Variants in TSFM observed in about 807,000 individuals in gnomAD.
The protein encoded by TSFM is Ts translation elongation factor, mitochondrial, also known as elongation factor Ts, mitochondrial.
In TSFM, 29 loss-of-function variants were observed where a neutral mutation model predicts 33.4. The ratio of observed to expected loss-of-function variants is 0.87; its 90% CI spans 0.65 to 1.18. TSFM has a LOEUF of 1.18. TSFM is among the 50% of genes most tolerant of loss of function. The probability of loss-of-function intolerance (pLI) is 0.00; values close to 1 mark genes in which losing one functional copy is unlikely to be tolerated. For synonymous variants in TSFM, 178 were observed against 163.5 expected (o/e 1.09, Z -0.68); for missense variants, 394 against 395.6 (o/e 1.00, Z 0.04).
intron 3 of TSFM, among the ~76,000 whole-genome samples, 171 bp downstream of exon 3, chr12:57,786,462 A>G (rs898335586): frequency 3.3e-5 from 5 of 152,252 alleles, no homozygotes; most frequent in African/African-American, 1.2e-4. Context: ...TCGTTTAAGT[A>G]TAGAAATGTA....
At chr12:57,784,167 A>G in intron 2 of TSFM, 1 of 701,586 alleles carries the variant, frequency 1.4e-6, no homozygotes, top group Non-Finnish European at 2.6e-6. Context: ...GTTGTAACAC[A>G]GTGGTAAGTA....
intron 4 of TSFM, among the ~76,000 whole-genome samples, chr12:57,788,739 A>T (rs1399887442): frequency 5.3e-5 from 8 of 151,748 alleles, no homozygotes. Context: ...GGCTCAAGTG[A>T]TCTTCCCACC....
chr12:57,795,374 A>T (rs1955720018), intron 5 of TSFM, among the ~76,000 whole-genome samples: 1 of 152,086 alleles, frequency 6.6e-6, no homozygotes, highest in Admixed American at 6.6e-5. Context: ...TGCTGGGATT[A>T]CAGGCGTGAG....
chr12:57,792,266 TG>T (rs1955672683), intron 4 of TSFM, among the ~76,000 whole-genome samples: 1 of 152,078 alleles, frequency 6.6e-6, no homozygotes, highest in African/African-American at 2.4e-5. Flanking sequence ...AAACTGTTCT[TG>T]GCCAGGTGCA....
At chr12:57,794,407 T>C (rs775924338) in intron 5 of TSFM, among the ~76,000 whole-genome samples, 4 of 152,244 alleles carry the variant, frequency 2.6e-5, no homozygotes, top group Non-Finnish European at 5.9e-5. Flanking sequence ...AATAACATCC[T>C]GAGAGAAAGG....
At position 57,783,289 on chromosome 12, in the gene TSFM, T is replaced by C; in HGVS notation, c.231+6T>C. ...GTGGCGGGGACCTCAAACAGGTGTGTGTGTGGAGGGGTGCAGGGCGGAGTA... is the reference window on the plus strand; with the variant it reads ...GTGGCGGGGACCTCAAACAGGTGTGCGTGTGGAGGGGTGCAGGGCGGAGTA... On this transcript the variant is annotated splice_donor_region_variant and intron_variant, in intron 2 of 5. Transcript: ENST00000652027. 6.2e-7 allele frequency: 1 copy of C among 1,613,416 alleles called. No homozygotes were observed. The highest frequency in any genetic ancestry group is 8.5e-7 in the Non-Finnish European group (1 of 1,179,834).
intron 5 of TSFM, among the ~76,000 whole-genome samples, chr12:57,793,940 A>C (rs150490052): frequency 2.6e-5 from 4 of 152,262 alleles, no homozygotes; most frequent in African/African-American, 9.6e-5. Context: ...CCTGTTGGCT[A>C]TAGGAACCAC....
Position 57,797,151 on chromosome 12 carries a change from T to C in TSFM, c.*568T>C. The C allele has an allele frequency of 2.0e-6, 2 of 985,458 alleles. No homozygotes were observed. Among genetic ancestry groups the C allele is most frequent in the Non-Finnish European group, 2.4e-6 (2 of 829,950 alleles). The allele number at this position is 985,458 out of a possible 1,614,324, so 61.0% of individuals were successfully genotyped here. On this transcript the variant is annotated 3_prime_UTR_variant, in exon 6 of 6. Transcript: ENST00000652027. ...TAATGAAATTAATAACACATGCCCCTATTTCTCTTTTGGATGATGTGTGGG... is the reference window on the plus strand; with the variant it reads ...TAATGAAATTAATAACACATGCCCCCATTTCTCTTTTGGATGATGTGTGGG...
At chr12:57,786,387 C>T in intron 3 of TSFM, 96 bp downstream of exon 3, 1 of 1,402,306 alleles carries the variant, frequency 7.1e-7, no homozygotes, top group Non-Finnish European at 9.5e-7. Flanking sequence ...AAGAAGAGAT[C>T]TGTTTAAGAA....
At chr12:57,788,854 A>G (rs1328155924) in intron 4 of TSFM, among the ~76,000 whole-genome samples, 6 of 152,120 alleles carry the variant, frequency 3.9e-5, no homozygotes, top group Non-Finnish European at 7.3e-5. Context: ...GCTGGTCTCA[A>G]ACCTCTGGGC....
At position 57,787,074 on chromosome 12, in the gene TSFM, TA is replaced by T. The variant is rs1955600413; in HGVS notation, c.399del (p.Lys133AsnfsTer9). ...NCETDFVSRN[L>X]KFQLLVQQVA... ...GAGACAGATTTTGTTTCTAGAAATT[TA>T]AAATTTCAACTGTTGGTCCAGCAAG... On this transcript the variant is annotated frameshift_variant, in exon 4 of 6. Transcript: ENST00000652027. LOFTEE classifies it high-confidence loss of function. 1 of 1,613,320 alleles carries T rather than the reference TA, an allele frequency of 6.2e-7. No individual in the cohort carries two copies. Among genetic ancestry groups the T allele is most frequent in the East Asian group, 2.2e-5 (1 of 44,876 alleles).
chr12:57,801,390 A>G (rs999866394), downstream of TSFM: 13 of 506,010 alleles, frequency 2.6e-5, no homozygotes, highest in East Asian at 7.1e-5. Flanking sequence ...AGGTGCTTAA[A>G]CATAACGCAC....
At position 57,782,818 on chromosome 12, in the gene TSFM, C is replaced by T. The variant is rs372337739; in HGVS notation, c.17C>T (p.Ser6Leu). ...GCTAGAGAGATGTCGCTGCTGCGGTCGCTGCGCGTGTTTCTGGTCGCGCGG... is the reference window on the plus strand; with the variant it reads ...GCTAGAGAGATGTCGCTGCTGCGGTTGCTGCGCGTGTTTCTGGTCGCGCGG... The part of the protein sequence containing the change: MSLLR[S>L]LRVFLVARTG... Residue 6 changes from serine (S) to leucine (L), a missense_variant, in exon 1 of 6, where the codon TCG (serine) becomes TTG (leucine). Around this residue, in one of 3 missense-constraint regions of TSFM, gnomAD observed 208 missense variants for 180.4 expected, o/e 1.15. Coordinates refer to ENST00000652027, the MANE Select transcript of TSFM (RefSeq NM_005726.6). 1.9e-5 allele frequency: 30 copies of T among 1,593,856 alleles called. No individual in the cohort carries two copies. The highest frequency in any genetic ancestry group is 1.3e-4 in the South Asian group (11 of 87,788).
downstream of TSFM, chr12:57,802,412 A>G: frequency 6.6e-7 from 1 of 1,508,072 alleles, no homozygotes. Flanking sequence ...ACTAGATCAT[A>G]CACATTACCC....
intron 4 of TSFM, among the ~76,000 whole-genome samples, chr12:57,791,529 C>G (rs948900918): frequency 2.0e-5 from 3 of 152,128 alleles, no homozygotes; most frequent in African/African-American, 7.2e-5. Flanking sequence ...ACAAATAGTT[C>G]TTTGTTGCAC....
intron 4 of TSFM, among the ~76,000 whole-genome samples, chr12:57,790,215 A>G (rs1422092150): frequency 6.6e-6 from 1 of 151,796 alleles, no homozygotes; most frequent in Non-Finnish European, 1.5e-5. Flanking sequence ...GATTACAGGC[A>G]CGTGCCACCA....
At chr12:57,791,382 A>C (rs1055915005) in intron 4 of TSFM, among the ~76,000 whole-genome samples, 2 of 152,210 alleles carry the variant, frequency 1.3e-5, no homozygotes, top group Non-Finnish European at 2.9e-5. Context: ...CTGTCAAAAA[A>C]AAAGTATGCT....
At position 57,782,866 on chromosome 12, in the gene TSFM, G is replaced by A. The variant is rs1469228708; in HGVS notation, c.57+8G>A. 1.3e-6 allele frequency: 2 copies of A among 1,590,888 alleles called. No individual in the cohort carries two copies. The highest frequency in any genetic ancestry group is 1.7e-6 in the Non-Finnish European group (2 of 1,169,520). ...CGGACCGGGAGCTACCCGGTGAGAA[G>A]TCCTGGTGCTGGTACCGACCTGCTG... On this transcript the variant is annotated splice_region_variant and intron_variant, in intron 1 of 5. Transcript: ENST00000652027.
At position 57,783,162 on chromosome 12, in the gene TSFM, G is replaced by T; in HGVS notation, c.110G>T (p.Gly37Val). ...CAGCCAAGGCACACATTTTATGCTG[G>T]GCCCCGTCTGTCTGCCTCGGCCTCC... ...SPQPRHTFYA[G>V]PRLSASASSK... is the part of the protein sequence containing the mutation. Residue 37 changes from glycine (G) to valine (V), a missense_variant, in exon 2 of 6, where the codon GGG (glycine) becomes GTG (valine). Transcript: ENST00000652027. 4 of 1,613,070 alleles carry T rather than the reference G, an allele frequency of 2.5e-6. No homozygotes were observed. Among genetic ancestry groups the T allele is most frequent in the Non-Finnish European group, 3.4e-6 (4 of 1,179,888 alleles).
Sources: gnomAD v4.1 joint callset for allele counts (sites outside exome capture counted in the v4.1 genomes callset) on GRCh38, gnomAD v4.1.1 for gene constraint, gnomAD v4.1.1 regional missense constraint, MANE v1.5 for transcripts, NCBI Gene and HGNC (gene_info 2026-07-23, HGNC 2026-07-21) for gene names.